Variants in CTIF observed in about 807,000 individuals in gnomAD.
The protein encoded by CTIF is CBP80/20-dependent translation initiation factor.
Under a neutral mutation model 66.0 loss-of-function variants are expected in CTIF, and 21 were observed. The observed-to-expected ratio is 0.32, with a 90% confidence interval of 0.23 to 0.46. The LOEUF is 0.46. CTIF is among the 20% of genes least tolerant of loss of function. The probability of loss-of-function intolerance (pLI) is 1.00; values close to 1 mark genes in which losing one functional copy is unlikely to be tolerated. For missense variants in CTIF, 739 were observed against 812.7 expected, an observed-to-expected ratio of 0.91 and a Z score of 1.10; for synonymous variants, 345 against 326.4, an observed-to-expected ratio of 1.06 and a Z score of -0.62.
chr18:48,700,283 C>A (rs933420301), intron 6 of CTIF, among the ~76,000 whole-genome samples: 1 of 152,234 alleles, frequency 6.6e-6, no homozygotes, highest in African/African-American at 2.4e-5. Flanking sequence ...ATTGTGAGGC[C>A]TCCCCAGCCA....
chr18:48,767,220 G>A (rs897715913), intron 9 of CTIF, among the ~76,000 whole-genome samples: 6 of 152,218 alleles, frequency 3.9e-5, no homozygotes, highest in African/African-American at 1.4e-4. Flanking sequence ...AGTTTCCTTG[G>A]ATCCTCATCA....
chr18:48,571,417 A>G (rs1202365923), intron 1 of CTIF, among the ~76,000 whole-genome samples: 4 of 152,142 alleles, frequency 2.6e-5, no homozygotes, highest in Non-Finnish European at 5.9e-5. Flanking sequence ...CGGCCTCCCA[A>G]AGTGTTGGGA....
intron 7 of CTIF, among the ~76,000 whole-genome samples, chr18:48,719,166 C>T (rs947081283): frequency 6.6e-6 from 1 of 152,220 alleles, no homozygotes; most frequent in East Asian, 1.9e-4. Context: ...CTTGACACTG[C>T]TGTGGCTTCT....
chr18:48,717,379 CAA>C (rs2092291469), intron 7 of CTIF, among the ~76,000 whole-genome samples: 1 of 151,374 alleles, frequency 6.6e-6, no homozygotes, highest in South Asian at 2.1e-4. Flanking sequence ...GCCTGGGCAA[CAA>C]GAGCGAAAAT....
intron 1 of CTIF, among the ~76,000 whole-genome samples, chr18:48,595,969 C>T (rs2089980824): frequency 6.6e-6 from 1 of 152,084 alleles, no homozygotes; most frequent in Non-Finnish European, 1.5e-5. Flanking sequence ...GCTGAGGAGG[C>T]AGTAGAGTCA....
At chr18:48,842,785 G>C (rs774894484) in intron 10 of CTIF, among the ~76,000 whole-genome samples, 33 of 152,254 alleles carry the variant, frequency 2.2e-4, no homozygotes, top group Non-Finnish European at 3.8e-4. Context: ...TTACTTTAGA[G>C]AGCGGAAAAT....
At chr18:48,703,963 C>T (rs574920018) in intron 6 of CTIF, among the ~76,000 whole-genome samples, 15 of 152,334 alleles carry the variant, frequency 9.8e-5, no homozygotes, top group East Asian at 7.7e-4. Context: ...GCCTGCCAGA[C>T]GCCAGCTCTC....
chr18:48,834,382 C>G (rs1162446311), intron 10 of CTIF, among the ~76,000 whole-genome samples: 1 of 152,202 alleles, frequency 6.6e-6, no homozygotes, highest in African/African-American at 2.4e-5. Flanking sequence ...TCCCCAACTA[C>G]TGAAAAATGG....
In CTIF at chr18:48,619,727, C is replaced by T. The variant is rs578171458; in HGVS notation, c.162C>T (p.Thr54=). ...KTEGDGESER[T]QSHISQWTAD... ...AGGGTGATGGCGAGAGCGAGAGGACCCAGTCCCACATCTCCCAGGTGAGCG... is the reference window on the plus strand; with the variant it reads ...AGGGTGATGGCGAGAGCGAGAGGACTCAGTCCCACATCTCCCAGGTGAGCG... Residue 54 remains threonine (T), a synonymous_variant, in exon 2 of 12, where the codon ACC becomes ACT. Coordinates refer to ENST00000256413, the MANE Select transcript of CTIF (RefSeq NM_014772.3). 19 of 1,599,772 alleles carry T rather than the reference C, an allele frequency of 1.2e-5. No individual in the cohort carries two copies. In the South Asian group the frequency reaches 2.2e-4, roughly 18 times the overall value.
At position 48,730,481 on chromosome 18, in the gene CTIF, G is replaced by A. The variant is rs189681661; in HGVS notation, c.584+18786G>A. Among the ~76,000 whole-genome samples the A allele has an allele frequency of 2.4e-4, 29 of 119,672 alleles. 2 individuals carry two copies. Among genetic ancestry groups the A allele is most frequent in the African/African-American group, 8.1e-4 (26 of 32,116 alleles). The allele number at this position is 119,672 out of a possible 152,430, so 78.5% of individuals were successfully genotyped here. Reference sequence around the variant, plus strand: ...CTTCCGCGGTGTGAGGGGCTTCCGCGGTGTGAGGGGCTTCTGCGGTGTGAG... The same window carrying A: ...CTTCCGCGGTGTGAGGGGCTTCCGCAGTGTGAGGGGCTTCTGCGGTGTGAG... On this transcript the variant is annotated intron_variant, in intron 7 of 11. Transcript: ENST00000256413.
chr18:48,642,297 G>T (rs1187030107), intron 3 of CTIF, among the ~76,000 whole-genome samples: 1 of 152,190 alleles, frequency 6.6e-6, no homozygotes, highest in Non-Finnish European at 1.5e-5. Flanking sequence ...GAACTGTGGT[G>T]ATTCCAAAGA....
At chr18:48,695,072 C>A (rs1306889969) in intron 6 of CTIF, among the ~76,000 whole-genome samples, 1 of 152,218 alleles carries the variant, frequency 6.6e-6, no homozygotes, top group East Asian at 1.9e-4. Context: ...TGGTACTGAT[C>A]AGATTCACAT....
intron 1 of CTIF, among the ~76,000 whole-genome samples, chr18:48,597,387 C>A (rs945789316): frequency 3.3e-5 from 5 of 152,220 alleles, no homozygotes; most frequent in African/African-American, 1.2e-4. Context: ...TGTGTCCCCT[C>A]TCAATCTCAT....
chr18:48,722,657 C>T (rs1268460309), intron 7 of CTIF, among the ~76,000 whole-genome samples: 5 of 150,914 alleles, frequency 3.3e-5, no homozygotes, highest in African/African-American at 9.8e-5. Context: ...AGCACCCGGC[C>T]GTACCCATCA....
chr18:48,757,888 G>T (rs1346402100), intron 7 of CTIF, 31 bp from the exon 8 acceptor site: 2 of 1,589,618 alleles, frequency 1.3e-6, no homozygotes, highest in Non-Finnish European at 1.7e-6. Flanking sequence ...CCCAGTGATC[G>T]CCTTCTCTGT....
At chr18:48,806,278 A>G (rs1284952838) in intron 9 of CTIF, among the ~76,000 whole-genome samples, 1 of 152,192 alleles carries the variant, frequency 6.6e-6, no homozygotes, top group Non-Finnish European at 1.5e-5. Context: ...TGCCCGGGAG[A>G]AGAATGCCTG....
chr18:48,620,016 C>T (rs919690776), intron 2 of CTIF, among the ~76,000 whole-genome samples: 7 of 152,206 alleles, frequency 4.6e-5, no homozygotes, highest in African/African-American at 1.4e-4. Context: ...TTTGAACATA[C>T]GTCTCTTGAG....
intron 9 of CTIF, among the ~76,000 whole-genome samples, chr18:48,815,335 C>T (rs2068339673): frequency 6.6e-6 from 1 of 152,188 alleles, no homozygotes; most frequent in South Asian, 2.1e-4. Context: ...GGCTCATAGT[C>T]ATGGGCAAGT....
intron 9 of CTIF, among the ~76,000 whole-genome samples, chr18:48,800,291 T>G (rs980947349): frequency 3.3e-5 from 5 of 152,204 alleles, no homozygotes; most frequent in African/African-American, 1.2e-4. Context: ...CCTGGCAGTT[T>G]TGTACTGTTT....
Sources: gnomAD v4.1 joint callset for allele counts (sites outside exome capture counted in the v4.1 genomes callset) on GRCh38, gnomAD v4.1.1 for gene constraint, MANE v1.5 for transcripts, NCBI Gene and HGNC (gene_info 2026-07-23, HGNC 2026-07-21) for gene names.